TCF7L1: variants seen among roughly 807,000 people sequenced by gnomAD.
TCF7L1 encodes transcription factor 7 like 1.
A neutral mutation model predicts 63.7 loss-of-function variants in TCF7L1; 18 were observed. That is an observed-to-expected ratio of 0.28 (90% CI 0.20 to 0.42). TCF7L1 has a LOEUF of 0.42. Among genes scored for constraint, TCF7L1 ranks in the 10% least tolerant of loss-of-function variants. TCF7L1 has a pLI of 1.00. For synonymous variants in TCF7L1, 355 were observed against 340.9 expected (o/e 1.04, Z -0.46); for missense variants, 654 against 779.3 (o/e 0.84, Z 1.91).
At chr2:85,213,914 A>G (rs1445375244) in intron 3 of TCF7L1, among the ~76,000 whole-genome samples, 1 of 152,056 alleles carries the variant, frequency 6.6e-6, no homozygotes, top group African/African-American at 2.4e-5. Flanking sequence ...CAGATTTCTG[A>G]ATTAAAGGCT....
chr2:85,283,430 C>A, intron 3 of TCF7L1, 65 bp from the exon 4 acceptor site: 2 of 1,587,872 alleles, frequency 1.3e-6, no homozygotes, highest in South Asian at 2.2e-5. Flanking sequence ...CAGAGCCCAG[C>A]AAACTTTGAG....
chr2:85,174,143 A>G (rs1196180996), intron 3 of TCF7L1, among the ~76,000 whole-genome samples: 2 of 152,308 alleles, frequency 1.3e-5, no homozygotes, highest in East Asian at 3.9e-4. Context: ...CTGCATTAGC[A>G]GTCACTTTGT....
At position 85,300,487 on chromosome 2, in the gene TCF7L1, A is replaced by G. The variant is rs946736816; in HGVS notation, c.526-1997A>G. ...TGATGCAACATCCAGTGAGCCCACC[A>G]GCCACCAGCAGGGCCCAGCTGTGTG... On this transcript the variant is annotated intron_variant, in intron 4 of 11. Transcript: ENST00000282111. Among the ~76,000 whole-genome samples, 16 of 152,356 alleles carry G rather than the reference A, an allele frequency of 1.1e-4. No homozygotes were observed. In the South Asian group the frequency reaches 3.3e-3, roughly 32 times the overall value.
chr2:85,296,223 C>G (rs1681837136), intron 4 of TCF7L1, among the ~76,000 whole-genome samples: 1 of 152,226 alleles, frequency 6.6e-6, no homozygotes, highest in South Asian at 2.1e-4. Context: ...GCCCTCATGT[C>G]TCTTTAGTTC....
chr2:85,174,479 G>A (rs1364654578), intron 3 of TCF7L1, among the ~76,000 whole-genome samples: 12 of 152,182 alleles, frequency 7.9e-5, no homozygotes, highest in Non-Finnish European at 1.5e-5. Context: ...CCAAAAAAGA[G>A]GTGATGTTGC....
At chr2:85,263,516 A>C (rs1290815101) in intron 3 of TCF7L1, among the ~76,000 whole-genome samples, 3 of 152,110 alleles carry the variant, frequency 2.0e-5, no homozygotes, top group African/African-American at 7.2e-5. Context: ...GAAAGAGAAG[A>C]GGCCAGAATG....
chr2:85,176,255 C>T (rs1283887418), intron 3 of TCF7L1, among the ~76,000 whole-genome samples: 1 of 152,214 alleles, frequency 6.6e-6, no homozygotes, highest in African/African-American at 2.4e-5. Flanking sequence ...TTTGAGGCTT[C>T]AGTCCTCCGC....
intron 3 of TCF7L1, among the ~76,000 whole-genome samples, chr2:85,177,206 C>T (rs1264910909): frequency 6.6e-6 from 1 of 152,054 alleles, no homozygotes; most frequent in East Asian, 1.9e-4. Context: ...CTGGCCTCTT[C>T]TTATAAGGGC....
intron 4 of TCF7L1, among the ~76,000 whole-genome samples, chr2:85,285,868 A>G (rs1444424877): frequency 1.3e-5 from 2 of 152,082 alleles, no homozygotes; most frequent in African/African-American, 2.4e-5. Context: ...ATCTCCATCT[A>G]CTTTTCAAGA....
chr2:85,240,767 C>A (rs1680302112), intron 3 of TCF7L1, among the ~76,000 whole-genome samples: 1 of 145,370 alleles, frequency 6.9e-6, no homozygotes, highest in Middle Eastern at 3.4e-3. Context: ...CAGAGCAAGA[C>A]TCTTGCCTCA....
At chr2:85,140,471 C>A (rs1257800865) in intron 3 of TCF7L1, among the ~76,000 whole-genome samples, 2 of 84,800 alleles carry the variant, frequency 2.4e-5, no homozygotes, top group African/African-American at 1.1e-4. Flanking sequence ...CTCCCCTCCC[C>A]CTTTCTTTTC....
At position 85,305,376 on chromosome 2, in the gene TCF7L1, C is replaced by G. The variant is rs1268250560; in HGVS notation, c.962C>G (p.Pro321Arg). ...VSPIVKQEPA[P>R]PSLSPAVSVK... ...CCCATCGTCAAGCAGGAACCGGCAC[C>G]CCCCAGCCTGAGCCCTGCAGTGAGC... Residue 321 changes from proline (P) to arginine (R), a missense_variant, in exon 8 of 12, where the codon CCC becomes CGC. Around this residue, in one of 3 missense-constraint regions of TCF7L1, gnomAD observed 404 missense variants for 454.8 expected, o/e 0.89. Transcript: ENST00000282111. 3.1e-6 allele frequency: 5 copies of G among 1,613,210 alleles called. No individual in the cohort carries two copies. In the East Asian group the frequency reaches 1.1e-4, roughly 36 times the overall value.
chr2:85,134,788 G>A lies in TCF7L1; in HGVS notation c.441+338G>A, dbSNP rs2104174804. ...GTCTCGCTTTCCTTCTTGGAAATCG[G>A]TCAGCTTTCTCTGGCAGTGGGGCAA... On this transcript the variant is annotated intron_variant, in intron 3 of 11. Coordinates refer to ENST00000282111, the MANE Select transcript of TCF7L1 (RefSeq NM_031283.3). This position sits in a 1 kb window ranked among gnomAD's most constrained non-coding sequence, Gnocchi z 5.0. Among the ~76,000 whole-genome samples the A allele has an allele frequency of 6.6e-6, 1 of 152,252 alleles. No individual in the cohort carries two copies. Among genetic ancestry groups the A allele is most frequent in the Admixed American group, 6.5e-5 (1 of 15,294 alleles).
chr2:85,288,583 GAA>G (rs1417361367), intron 4 of TCF7L1, among the ~76,000 whole-genome samples: 1 of 152,174 alleles, frequency 6.6e-6, no homozygotes, highest in Non-Finnish European at 1.5e-5. Flanking sequence ...GCAAGCGAAG[GAA>G]ACAGCCTGCA....
intron 3 of TCF7L1, among the ~76,000 whole-genome samples, chr2:85,176,650 G>A (rs1392006002): frequency 6.6e-6 from 1 of 152,150 alleles, no homozygotes; most frequent in Non-Finnish European, 1.5e-5. Flanking sequence ...GGGAAAATCA[G>A]TAGATTTTGG....
chr2:85,244,596 A>G (rs774952458), intron 3 of TCF7L1, among the ~76,000 whole-genome samples: 2 of 152,142 alleles, frequency 1.3e-5, no homozygotes, highest in Non-Finnish European at 2.9e-5. Flanking sequence ...TGGGAGGGGC[A>G]GGTTTGGGAG....
intron 3 of TCF7L1, among the ~76,000 whole-genome samples, chr2:85,149,538 T>G (rs1356823981): frequency 6.6e-6 from 1 of 152,186 alleles, no homozygotes. Context: ...TGTAACTTTT[T>G]TTTTTGAGAT....
At chr2:85,250,900 G>C (rs545341009) in intron 3 of TCF7L1, among the ~76,000 whole-genome samples, 1 of 152,326 alleles carries the variant, frequency 6.6e-6, no homozygotes, top group African/African-American at 2.4e-5. Context: ...ACCTTTCAGA[G>C]CCACTAAAGA....
chr2:85,186,580 A>G (rs1678929949), intron 3 of TCF7L1: 1 of 152,212 alleles, frequency 6.6e-6, no homozygotes, highest in Non-Finnish European at 1.5e-5. Flanking sequence ...TTTAGCAAAG[A>G]TGATAAATTT....
Sources: allele counts gnomAD v4.1 joint callset (sites outside exome capture counted in the v4.1 genomes callset), GRCh38; gene constraint gnomAD v4.1.1; regional missense constraint gnomAD v4.1.1; non-coding constraint Gnocchi (gnomAD v3.1); transcripts MANE v1.5; gene names NCBI Gene and HGNC (gene_info 2026-07-23, HGNC 2026-07-21).